PHACTR2: variants seen among roughly 807,000 people sequenced by gnomAD.
The protein encoded by PHACTR2 is chromosome 6 open reading frame 56.
A neutral mutation model predicts 76.0 loss-of-function variants in PHACTR2; 30 were observed. The ratio of observed to expected loss-of-function variants is 0.39; its 90% CI spans 0.30 to 0.54. The LOEUF (loss-of-function observed/expected upper bound fraction) is 0.54. Ranked by LOEUF, PHACTR2 falls within the 20% of genes least tolerant of loss-of-function variation. PHACTR2 has a pLI of 0.61. For missense variants in PHACTR2, 696 were observed against 781.1 expected (o/e 0.89, Z 1.30); for synonymous variants, 292 against 292.5 (o/e 1.00, Z 0.02).
upstream of PHACTR2, among the ~76,000 whole-genome samples, chr6:143,674,259 T>TA (rs1777204394): frequency 6.6e-6 from 1 of 152,154 alleles, no homozygotes; most frequent in Non-Finnish European, 1.5e-5. The surrounding 1 kb of genome is among the most constrained non-coding windows in gnomAD (Gnocchi z 4.9). Context: ...AGCTGACTCT[T>TA]ACAAAATGTA....
Position 143,659,087 on chromosome 6 carries a change from G to A in PHACTR2, c.13+50765G>A, listed in dbSNP as rs1776902232. Among the ~76,000 whole-genome samples, 1 of 151,946 alleles carries A rather than the reference G, an allele frequency of 6.6e-6. No homozygotes were observed. Among genetic ancestry groups the A allele is most frequent in the Non-Finnish European group, 1.5e-5 (1 of 67,990 alleles). On this transcript the variant is annotated intron_variant, in intron 1 of 11. Coordinates refer to the PHACTR2 transcript ENST00000305766. The surrounding 1 kb of genome is among the most constrained non-coding windows in gnomAD (Gnocchi z 5.0). ...AGGACACTTACCATGAATGGAGCTT[G>A]CAGGACTGGAGGTTGCCCTAGGTAA...
chr6:143,628,083 G>A (rs1245211856), intron 1 of PHACTR2, among the ~76,000 whole-genome samples: 2 of 152,148 alleles, frequency 1.3e-5, no homozygotes, highest in Non-Finnish European at 2.9e-5. Context: ...TGAACCTAAT[G>A]TTTTCAAGGT....
intron 11 of PHACTR2, among the ~76,000 whole-genome samples, chr6:143,802,647 CAAA>C (rs55737411): frequency 6.7e-5 from 6 of 90,148 alleles, no homozygotes; most frequent in African/African-American, 2.6e-4. Context: ...GACCCTGTCT[CAAA>C]AAAAAAAAAA....
intron 5 of PHACTR2, among the ~76,000 whole-genome samples, chr6:143,762,369 T>A (rs567721446): frequency 1.3e-5 from 2 of 152,292 alleles, no homozygotes; most frequent in South Asian, 4.1e-4. Flanking sequence ...TTCCAGATAT[T>A]TTGCTTGAAG....
chr6:143,761,559 A>G lies in PHACTR2; in HGVS notation c.694+919A>G, dbSNP rs1369274163. 1.3e-5 allele frequency among the ~76,000 whole-genome samples: 2 copies of G among 152,024 alleles called. No individual in the cohort carries two copies. Among genetic ancestry groups the G allele is most frequent in the East Asian group, 1.9e-4 (1 of 5,168 alleles). On this transcript the variant is annotated intron_variant, in intron 5 of 12. Transcript: ENST00000440869. This position sits in a 1 kb window ranked among gnomAD's most constrained non-coding sequence, Gnocchi z 5.2. The stretch of plus-strand genomic sequence containing the variant: ...ACTTGAGGTCAGGAGTTCGAGACCA[A>G]CCTGGTCAACATGGTGAAACCCTGT...
At chr6:143,538,088 C>T (rs1437009613) in intron 1 of PHACTR2, among the ~76,000 whole-genome samples, 1 of 147,560 alleles carries the variant, frequency 6.8e-6, no homozygotes, top group Non-Finnish European at 1.5e-5. Flanking sequence ...AGTGAGACTC[C>T]GTCTTACACA....
chr6:143,629,507 C>T (rs1261028341), intron 1 of PHACTR2, among the ~76,000 whole-genome samples: 2 of 152,274 alleles, frequency 1.3e-5, no homozygotes, highest in East Asian at 1.9e-4. Flanking sequence ...CCTAATGGTA[C>T]CTCTACAAAA....
intron 1 of PHACTR2, among the ~76,000 whole-genome samples, chr6:143,551,549 T>C (rs1408743957): frequency 6.6e-6 from 1 of 152,142 alleles, no homozygotes; most frequent in Non-Finnish European, 1.5e-5. Flanking sequence ...ATGAGCTGGG[T>C]TTCTCAACAC....
chr6:143,568,725 T>C (rs1036373252), intron 1 of PHACTR2, among the ~76,000 whole-genome samples: 2 of 152,258 alleles, frequency 1.3e-5, no homozygotes, highest in Non-Finnish European at 2.9e-5. Context: ...CTTTGTATTT[T>C]GATTTTTAGA....
At position 143,678,361 on chromosome 6, in the gene PHACTR2, CTT is replaced by C. The variant is rs1777301963; in HGVS notation, c.46+154_46+155del. Among the ~76,000 whole-genome samples, 1 of 152,300 alleles carries C rather than the reference CTT, an allele frequency of 6.6e-6. No homozygotes were observed. The highest frequency in any genetic ancestry group is 1.9e-4 in the East Asian group (1 of 5,160). On this transcript the variant is annotated intron_variant, in intron 1 of 12. Transcript: ENST00000440869. This position sits in a 1 kb window ranked among gnomAD's most constrained non-coding sequence, Gnocchi z 6.2. ...CCCCAGAGGTAGCGCTCGCCAAACT[CTT>C]TGTCGTGAAAGAGGAATGCCTTTTG...
At chr6:143,770,925 C>CTTTTTTTTTTTT (rs72471881) in intron 6 of PHACTR2, among the ~76,000 whole-genome samples, 2 of 119,220 alleles carry the variant, frequency 1.7e-5, no homozygotes, top group African/African-American at 6.1e-5. Context: ...TTCTTTCTTT[C>CTTTTTTTTTTTT]TTTTTTTTTT....
chr6:143,690,536 G>T (rs1413967650), intron 1 of PHACTR2, among the ~76,000 whole-genome samples: 1 of 152,182 alleles, frequency 6.6e-6, no homozygotes, highest in East Asian at 1.9e-4. Context: ...CTTCATGCTT[G>T]GTCGAGAGCT....
intron 11 of PHACTR2, among the ~76,000 whole-genome samples, chr6:143,790,445 A>G (rs1041441297): frequency 2.0e-5 from 3 of 152,130 alleles, no homozygotes; most frequent in Non-Finnish European, 2.9e-5. Context: ...GGACGGAGGG[A>G]GAGCACAGGC....
chr6:143,695,289 T>C lies in PHACTR2; in HGVS notation c.47-16727T>C, dbSNP rs561931068. Among the ~76,000 whole-genome samples, 3 of 152,290 alleles carry C rather than the reference T, an allele frequency of 2.0e-5. No individual in the cohort carries two copies. Among genetic ancestry groups the C allele is most frequent in the Non-Finnish European group, 4.4e-5 (3 of 68,024 alleles). On this transcript the variant is annotated intron_variant, in intron 1 of 12. Transcript: ENST00000440869. This position sits in a 1 kb window ranked among gnomAD's most constrained non-coding sequence, Gnocchi z 4.4. ...TTAGCCAAACCTCTACACCCTTTAG[T>C]TGTGACTCTGTCATTGTAGACTTTT...
At chr6:143,768,880 A>C (rs1775026640) in intron 6 of PHACTR2, among the ~76,000 whole-genome samples, 1 of 152,172 alleles carries the variant, frequency 6.6e-6, no homozygotes, top group African/African-American at 2.4e-5. Context: ...ATTTCAGTTC[A>C]TCCTACAGGG....
At chr6:143,766,104 A>C (rs1779558029) in intron 6 of PHACTR2, among the ~76,000 whole-genome samples, 1 of 152,214 alleles carries the variant, frequency 6.6e-6, no homozygotes, top group Non-Finnish European at 1.5e-5. Flanking sequence ...TTCAGTGCTT[A>C]TTTTAAATCT....
rs955021911 is a variant in PHACTR2, at chr6:143,783,656, T to C, written c.1707+376T>C. On this transcript the variant is annotated intron_variant, in intron 10 of 12. Coordinates refer to ENST00000440869, the MANE Select transcript of PHACTR2 (RefSeq NM_001100164.2). This position sits in a 1 kb window ranked among gnomAD's most constrained non-coding sequence, Gnocchi z 5.2. ...TAAAATAAAATAAAACAAATCAATATAATGCACATGCTATGAGTGATGTTT... is the reference window on the plus strand; with the variant it reads ...TAAAATAAAATAAAACAAATCAATACAATGCACATGCTATGAGTGATGTTT... Among the ~76,000 whole-genome samples, 1 of 152,118 alleles carries C rather than the reference T, an allele frequency of 6.6e-6. No homozygotes were observed. The highest frequency in any genetic ancestry group is 1.9e-4 in the East Asian group (1 of 5,194).
rs1582881237 is a variant in PHACTR2 at position 143,787,875 on chromosome 6, T to C, written c.1708-898T>C. ...ATGAAAATGGGCCCTATGGCTACAA[T>C]AGAGGTCTAAGTCTACCTCTCTGGA... On this transcript the variant is annotated intron_variant, in intron 10 of 12. Coordinates refer to ENST00000440869, the MANE Select transcript of PHACTR2 (RefSeq NM_001100164.2). This position sits in a 1 kb window ranked among gnomAD's most constrained non-coding sequence, Gnocchi z 4.6. 1.3e-5 allele frequency among the ~76,000 whole-genome samples: 2 copies of C among 152,280 alleles called. No homozygotes were observed. The highest frequency in any genetic ancestry group is 1.5e-5 in the Non-Finnish European group (1 of 68,016).
In PHACTR2 at chr6:143,591,609, C is replaced by T. The variant is rs1775693229; in HGVS notation, c.217+54402C>T. Reference sequence around the variant, plus strand: ...GGAAGGAGGCATGACACAACAGTGACCTCCATGAACCTCTTGCCTAGGGCT... The same window carrying T: ...GGAAGGAGGCATGACACAACAGTGATCTCCATGAACCTCTTGCCTAGGGCT... On this transcript the variant is annotated intron_variant, in intron 1 of 11. Coordinates refer to the PHACTR2 transcript ENST00000367584. The surrounding 1 kb of genome is among the most constrained non-coding windows in gnomAD (Gnocchi z 6.4). 2.0e-5 allele frequency among the ~76,000 whole-genome samples: 3 copies of T among 152,334 alleles called. No individual in the cohort carries two copies. The highest frequency in any genetic ancestry group is 4.1e-4 in the South Asian group (2 of 4,822).
Sources: allele counts gnomAD v4.1 joint callset (sites outside exome capture counted in the v4.1 genomes callset), GRCh38; gene constraint gnomAD v4.1.1; non-coding constraint Gnocchi (gnomAD v3.1); transcripts MANE v1.5; gene names NCBI Gene and HGNC (gene_info 2026-07-23, HGNC 2026-07-21).